LNX1: variants seen among roughly 807,000 people sequenced by gnomAD.
LNX1 encodes the protein ligand of numb-protein X 1.
Under a neutral mutation model 68.4 loss-of-function variants are expected in LNX1, and 54 were observed. The observed-to-expected ratio is 0.79, with a 90% CI of 0.63 to 0.99. LNX1 has a LOEUF of 0.99. Among genes scored for constraint, LNX1 ranks in the 50% least tolerant of loss-of-function variants. The pLI is 0.00. For missense variants in LNX1, 906 were observed against 926.4 expected (o/e 0.98, Z 0.29); for synonymous variants, 336 against 350.0 (o/e 0.96, Z 0.45).
At position 53,460,187 on chromosome 4, in the gene LNX1, A is replaced by ATTT. The variant is rs1316573186; in HGVS notation, c.*717_*719dup. 5.1e-6 allele frequency: 1 copy of ATTT among 196,682 alleles called. No homozygotes were observed. Among genetic ancestry groups the ATTT allele is most frequent in the Non-Finnish European group, 1.1e-5 (1 of 94,892 alleles). 12.2% of individuals were successfully genotyped at this position (196,682 alleles called of 1,614,324 possible). A position where few individuals can be genotyped will look rare whatever the true frequency, so the allele number is the denominator to read the frequency against. On this transcript the variant is annotated 3_prime_UTR_variant, in exon 11 of 11. Coordinates refer to ENST00000263925, the MANE Select transcript of LNX1 (RefSeq NM_001126328.3). ...CAAGCTGGTTTGGCCTTCTTGATGC[A>ATTT]TTTTCCAAGGCCCACTGGTGGAGCA...
At chr4:53,516,117 T>C (rs1726763840) in intron 2 of LNX1, among the ~76,000 whole-genome samples, 1 of 152,106 alleles carries the variant, frequency 6.6e-6, no homozygotes, top group Non-Finnish European at 1.5e-5. Flanking sequence ...TGGTGCATGC[T>C]TGTAGTGTCA....
intron 2 of LNX1, among the ~76,000 whole-genome samples, chr4:53,542,521 TCTGA>T (rs936785243): frequency 9.9e-5 from 15 of 152,200 alleles, no homozygotes; most frequent in African/African-American, 3.6e-4. Flanking sequence ...GAATCAATAC[TCTGA>T]CTGATGACCT....
At chr4:53,480,693 G>C (rs552568130) in intron 7 of LNX1, among the ~76,000 whole-genome samples, 36 of 152,244 alleles carry the variant, frequency 2.4e-4, no homozygotes, top group Admixed American at 1.5e-3. Context: ...ACCTGGAGGG[G>C]TGTATAACCT....
In LNX1 at chr4:53,643,999, T is replaced by C. The variant is rs562738931; in HGVS notation, c.-215+8169A>G. Among the ~76,000 whole-genome samples the C allele has an allele frequency of 9.7e-4, 147 of 152,264 alleles. 1 individual carries two copies. The highest frequency in any genetic ancestry group is 1.7e-3 in the Non-Finnish European group (116 of 68,028). ...ACATTTTTATTAGTCTACAAAATTA[T>C]TTACTCTAAAAGTCTTATTAATAAT... On this transcript the variant is annotated intron_variant, in intron 1 of 2. Transcript: ENST00000507168.
At chr4:53,471,834 A>G (rs1723208982) in intron 9 of LNX1, among the ~76,000 whole-genome samples, 1 of 152,202 alleles carries the variant, frequency 6.6e-6, no homozygotes, top group Non-Finnish European at 1.5e-5. Flanking sequence ...AAGTCAGGAA[A>G]CAACAGGTGC....
chr4:53,618,122 T>C (rs1364450769), upstream of LNX1, among the ~76,000 whole-genome samples: 1 of 152,196 alleles, frequency 6.6e-6, no homozygotes, highest in Non-Finnish European at 1.5e-5. Context: ...TCTTACACCA[T>C]TTAAACAAAT....
chr4:53,608,654 T>C (rs1333155501), intron 2 of LNX1, among the ~76,000 whole-genome samples: 2 of 152,068 alleles, frequency 1.3e-5, no homozygotes, highest in Non-Finnish European at 2.9e-5. Context: ...CACAAAGACA[T>C]GCACATGTAT....
intron 4 of LNX1, among the ~76,000 whole-genome samples, chr4:53,501,281 C>T (rs1725455799): frequency 9.4e-5 from 6 of 63,700 alleles, no homozygotes; most frequent in African/African-American, 2.4e-4. Context: ...TGATAATAAT[C>T]TTTTTTTTTT....
At chr4:53,502,433 A>G (rs1725573469) in intron 4 of LNX1, among the ~76,000 whole-genome samples, 1 of 152,232 alleles carries the variant, frequency 6.6e-6, no homozygotes, top group Non-Finnish European at 1.5e-5. Context: ...TTTAAAATGT[A>G]CATATCTCAA....
chr4:53,484,759 G>A (rs184167470), intron 6 of LNX1, among the ~76,000 whole-genome samples: 5 of 152,230 alleles, frequency 3.3e-5, no homozygotes, highest in African/African-American at 7.2e-5. Flanking sequence ...AACTGCTAGC[G>A]TACAGTAAGA....
At chr4:53,472,633 A>T (rs1215484812) in intron 9 of LNX1, among the ~76,000 whole-genome samples, 1 of 147,730 alleles carries the variant, frequency 6.8e-6, no homozygotes, top group Non-Finnish European at 1.5e-5. Flanking sequence ...GATTTTCTGT[A>T]TTAAATCATT....
chr4:53,480,071 T>G (rs1235858462), intron 7 of LNX1, among the ~76,000 whole-genome samples: 1 of 152,266 alleles, frequency 6.6e-6, no homozygotes, highest in Non-Finnish European at 1.5e-5. Context: ...TGGTATTTCT[T>G]TGAATTGTTT....
intron 2 of LNX1, among the ~76,000 whole-genome samples, chr4:53,531,126 C>G (rs1727992627): frequency 6.6e-6 from 1 of 152,190 alleles, no homozygotes; most frequent in South Asian, 2.1e-4. Context: ...AATACACACA[C>G]AGACACACTG....
At chr4:53,595,001 T>A (rs1167903904), upstream of LNX1, among the ~76,000 whole-genome samples, 1 of 152,208 alleles carries the variant, frequency 6.6e-6, no homozygotes. Flanking sequence ...TGCGAGCCAC[T>A]TGGTCCCCTT....
At chr4:53,499,543 T>C (rs775460198) in intron 4 of LNX1, among the ~76,000 whole-genome samples, 1 of 152,220 alleles carries the variant, frequency 6.6e-6, no homozygotes, top group Non-Finnish European at 1.5e-5. Flanking sequence ...TCTGCATATA[T>C]CTCTGCATGC....
upstream of LNX1, among the ~76,000 whole-genome samples, chr4:53,595,997 G>A (rs1403996275): frequency 1.3e-5 from 2 of 151,936 alleles, no homozygotes; most frequent in African/African-American, 2.4e-5. Context: ...ATCTTCTAAA[G>A]GTATTTAACA....
chr4:53,603,782 C>G (rs1733115958), intron 2 of LNX1: 2 of 152,304 alleles, frequency 1.3e-5, no homozygotes, highest in African/African-American at 4.8e-5. Context: ...CCACCAGGCC[C>G]CAACTCCGAC....
intron 2 of LNX1, among the ~76,000 whole-genome samples, chr4:53,537,681 C>G (rs1728470902): frequency 6.6e-6 from 1 of 152,186 alleles, no homozygotes; most frequent in Non-Finnish European, 1.5e-5. Context: ...GGTGGATGGC[C>G]CCGGGCACCT....
intron 2 of LNX1, among the ~76,000 whole-genome samples, chr4:53,545,802 ATTTTT>A (rs71197029): frequency 0.2 from 22,753 of 111,584 alleles, 2,018 homozygotes; most frequent in East Asian, 0.39. Context: ...CAGAGGCCAC[ATTTTT>A]TTTTTTTTTT....
Sources: allele counts gnomAD v4.1 joint callset (sites outside exome capture counted in the v4.1 genomes callset), GRCh38; gene constraint gnomAD v4.1.1; transcripts MANE v1.5; gene names NCBI Gene and HGNC (gene_info 2026-07-23, HGNC 2026-07-21).